BICDL1: variants seen among roughly 807,000 people sequenced by gnomAD.
BICDL1 encodes the protein BICD family-like cargo adapter 1.
BICDL1 carries 20 observed loss-of-function variants against 76.8 expected under a neutral mutation model. The observed-to-expected ratio is 0.26, with a 90% CI of 0.18 to 0.38. The LOEUF (loss-of-function observed/expected upper bound fraction) is 0.38, where lower values mean the gene tolerates loss of function less well. Ranked by LOEUF, BICDL1 falls within the 10% of genes least tolerant of loss-of-function variation. The pLI, the probability that BICDL1 is intolerant of heterozygous loss-of-function variation, is 1.00. For missense variants in BICDL1, 700 were observed against 798.6 expected (o/e 0.88, Z 1.49); for synonymous variants, 383 against 337.1 (o/e 1.14, Z -1.49).
At chr12:120,082,634 G>C (rs1390271144) in intron 8 of BICDL1, among the ~76,000 whole-genome samples, 1 of 152,102 alleles carries the variant, frequency 6.6e-6, no homozygotes, top group East Asian at 1.9e-4. Flanking sequence ...CCAGGCTGGA[G>C]TGCAGTGACA....
At chr12:120,088,900 G>A (rs1162442258) in intron 8 of BICDL1, among the ~76,000 whole-genome samples, 9 of 151,106 alleles carry the variant, frequency 6.0e-5, no homozygotes, top group Non-Finnish European at 8.8e-5. Flanking sequence ...TCCTGACCTC[G>A]TGATCCGCCC....
chr12:120,024,082 C>G (rs952727768), intron 2 of BICDL1, among the ~76,000 whole-genome samples: 6 of 152,194 alleles, frequency 3.9e-5, no homozygotes, highest in Non-Finnish European at 8.8e-5. Flanking sequence ...GTGTTCGAGA[C>G]TAGCCTGGAC....
At position 120,082,949 on chromosome 12, in the gene BICDL1, G is replaced by A. The variant is rs191034456; in HGVS notation, c.1583+1932G>A. The stretch of plus-strand genomic sequence containing the variant: ...ATGCTCACAGCTCACTGCAACCTCC[G>A]CCTCTTGGGTTCAAGCTATTCTCGT... On this transcript the variant is annotated intron_variant, in intron 8 of 9. Coordinates refer to ENST00000548673, the MANE Select transcript of BICDL1 (RefSeq NM_001367886.1). Among the ~76,000 whole-genome samples the A allele has an allele frequency of 1.4e-3, 213 of 151,990 alleles. 1 individual carries two copies. Among genetic ancestry groups the A allele is most frequent in the African/African-American group, 4.7e-3 (194 of 41,440 alleles).
chr12:120,062,706 C>G (rs1278761599), intron 3 of BICDL1, among the ~76,000 whole-genome samples: 1 of 152,170 alleles, frequency 6.6e-6, no homozygotes, highest in Non-Finnish European at 1.5e-5. Flanking sequence ...GCCTCCTATT[C>G]CCTTCCTTCC....
chr12:120,077,747 T>C (rs1465604653), intron 7 of BICDL1, among the ~76,000 whole-genome samples: 3 of 152,166 alleles, frequency 2.0e-5, no homozygotes, highest in Non-Finnish European at 4.4e-5. Flanking sequence ...CTGCATCCTT[T>C]CACACCCTGG....
rs531769210 is a variant in BICDL1 at position 120,054,175 on chromosome 12, C to T, written c.646-7535C>T. Among the ~76,000 whole-genome samples, 20 of 151,722 alleles carry T rather than the reference C, an allele frequency of 1.3e-4. No homozygotes were observed. In the South Asian group the frequency reaches 2.7e-3, roughly 21 times the overall value. On this transcript the variant is annotated intron_variant, in intron 2 of 9. Coordinates refer to ENST00000548673, the MANE Select transcript of BICDL1 (RefSeq NM_001367886.1). ...GCAACCTCCACCTCCCGGGTTCAAG[C>T]TATTCTCCTGCCTCAGCCTCCCGAG...
intron 2 of BICDL1, among the ~76,000 whole-genome samples, chr12:120,013,282 C>A (rs2138674625): frequency 6.7e-6 from 1 of 150,080 alleles, no homozygotes; most frequent in Admixed American, 6.6e-5. Flanking sequence ...CCTCTTCACT[C>A]CAGCCTGGGG....
In BICDL1 at chr12:120,071,720, C is replaced by G; in HGVS notation, c.1008C>G (p.Ser336Arg). 6.2e-7 allele frequency: 1 copy of G among 1,612,496 alleles called. No individual in the cohort carries two copies. The highest frequency in any genetic ancestry group is 8.5e-7 in the Non-Finnish European group (1 of 1,179,900). ...EELTEERSLQ[S>R]SAATSTSLLS... ...TCACTGAGGAGAGGAGTCTGCAGAG[C>G]TCTGCCGCCACCAGCACATCCCTCC... The change falls in exon 5 of 10, where the codon AGC becomes AGG. Residue 336 changes from serine (S) to arginine (R), a missense_variant. Physicochemically the swap from Ser to Arg is moderately radical, Grantham distance 110. This residue lies in a region of BICDL1 where 455 missense variants were observed against 548.7 expected (regional missense o/e 0.83). Coordinates refer to ENST00000548673, the MANE Select transcript of BICDL1 (RefSeq NM_001367886.1). The surrounding 1 kb of genome is among the most constrained non-coding windows in gnomAD (Gnocchi z 4.8).
intron 2 of BICDL1, among the ~76,000 whole-genome samples, chr12:120,047,740 G>T (rs1027034012): frequency 2.6e-5 from 4 of 151,870 alleles, no homozygotes; most frequent in African/African-American, 9.7e-5. Flanking sequence ...AATTTTTGAA[G>T]GTCATACAGC....
intron 2 of BICDL1, among the ~76,000 whole-genome samples, chr12:120,016,483 A>G (rs551207528): frequency 5.1e-4 from 65 of 127,238 alleles, no homozygotes; most frequent in Non-Finnish European, 8.8e-4. Context: ...TCTGTCACCC[A>G]TGCTGGAGTA....
chr12:120,020,593 C>T (rs539264041), intron 2 of BICDL1, among the ~76,000 whole-genome samples: 4 of 152,198 alleles, frequency 2.6e-5, no homozygotes, highest in African/African-American at 7.2e-5. Flanking sequence ...AATGCCTGCT[C>T]ATGTTTATAG....
chr12:120,053,691 C>A (rs1403271834), intron 2 of BICDL1, among the ~76,000 whole-genome samples: 1 of 152,154 alleles, frequency 6.6e-6, no homozygotes, highest in Non-Finnish European at 1.5e-5. Context: ...TGAAACTAGC[C>A]TTTTCTCCAA....
At chr12:119,992,177 T>G (rs1352504501) in intron 1 of BICDL1, among the ~76,000 whole-genome samples, 2 of 152,206 alleles carry the variant, frequency 1.3e-5, no homozygotes, top group African/African-American at 4.8e-5. Context: ...ATAAAAAATT[T>G]TAAAGTTTTA....
chr12:120,028,011 A>G (rs1350457560), intron 2 of BICDL1, among the ~76,000 whole-genome samples: 1 of 152,166 alleles, frequency 6.6e-6, no homozygotes, highest in Non-Finnish European at 1.5e-5. Context: ...GTGGGTATTA[A>G]TCTCACTCTG....
chr12:120,019,760 T>C (rs746749103), intron 2 of BICDL1, among the ~76,000 whole-genome samples: 8 of 152,182 alleles, frequency 5.3e-5, no homozygotes, highest in Non-Finnish European at 1.0e-4. Flanking sequence ...GACACATTAT[T>C]TTGATGGCGA....
chr12:120,019,533 A>C (rs1952136899), intron 2 of BICDL1, among the ~76,000 whole-genome samples: 1 of 152,148 alleles, frequency 6.6e-6, no homozygotes, highest in Non-Finnish European at 1.5e-5. Context: ...AATTTTGCTG[A>C]TTTCATAGGT....
chr12:120,010,629 T>A (rs1314609679), intron 2 of BICDL1, among the ~76,000 whole-genome samples: 1 of 152,234 alleles, frequency 6.6e-6, no homozygotes, highest in African/African-American at 2.4e-5. Flanking sequence ...CTGAATGGAT[T>A]GTTAATCTGG....
chr12:120,055,684 TAA>T (rs534856512), intron 2 of BICDL1, among the ~76,000 whole-genome samples: 200 of 152,262 alleles, frequency 1.3e-3, no homozygotes, highest in African/African-American at 4.6e-3. Context: ...TCAGTGAAAG[TAA>T]AAGAGACTTA....
At position 120,064,851 on chromosome 12, in the gene BICDL1, AGAG is replaced by A; in HGVS notation, c.883_885del (p.Arg295del). On this transcript the variant is annotated inframe_deletion, in exon 4 of 10. Coordinates refer to ENST00000548673, the MANE Select transcript of BICDL1 (RefSeq NM_001367886.1). ...CTACAGGACCGGGTGCTAATCCTGGAGAGGCAGGGCCATGACAAGGACCTACAG... is the reference window on the plus strand; with the variant it reads ...CTACAGGACCGGGTGCTAATCCTGGAGCAGGGCCATGACAAGGACCTACAG... The A allele has an allele frequency of 1.2e-6, 2 of 1,612,760 alleles. No homozygotes were observed. Among genetic ancestry groups the A allele is most frequent in the Non-Finnish European group, 1.7e-6 (2 of 1,179,394 alleles).
Sources: gnomAD v4.1 joint callset for allele counts (sites outside exome capture counted in the v4.1 genomes callset) on GRCh38, gnomAD v4.1.1 for gene constraint, gnomAD v4.1.1 regional missense constraint, Gnocchi (gnomAD v3.1) non-coding constraint, MANE v1.5 for transcripts, NCBI Gene and HGNC (gene_info 2026-07-23, HGNC 2026-07-21) for gene names.